The following GSDMC variants were observed in gnomAD, a reference collection of about 807,000 sequenced individuals.
The protein encoded by GSDMC is gasdermin-C.
Under a neutral mutation model 58.0 loss-of-function variants are expected in GSDMC, and 59 were observed. The ratio of observed to expected loss-of-function variants is 1.02; its 90% CI spans 0.82 to 1.26. The LOEUF (loss-of-function observed/expected upper bound fraction) is 1.26. Among genes scored for constraint, GSDMC ranks in the 50% most tolerant of loss-of-function variants. The pLI is 0.00. For missense variants in GSDMC, 659 were observed against 598.5 expected, an observed-to-expected ratio of 1.10 and a Z score of -1.06; for synonymous variants, 241 against 220.2, an observed-to-expected ratio of 1.09 and a Z score of -0.83.
At chr8:129,785,312 CACTT>C (rs1374881529) in intron 1 of GSDMC, among the ~76,000 whole-genome samples, 1 of 150,092 alleles carries the variant, frequency 6.7e-6, no homozygotes, top group Non-Finnish European at 1.5e-5. Flanking sequence ...ACAATGTTCT[CACTT>C]ATTTATGAAA....
intron 3 of GSDMC, among the ~76,000 whole-genome samples, chr8:129,773,190 G>A (rs1350196561): frequency 6.6e-6 from 1 of 152,188 alleles, no homozygotes; most frequent in African/African-American, 2.4e-5. Flanking sequence ...AAAGCTGAAA[G>A]CTTTTCCTTT....
At chr8:129,724,857 CAATT>C in the GSDMC span, among the ~76,000 whole-genome samples, 1 of 152,098 alleles carries the variant, frequency 6.6e-6, no homozygotes, top group Non-Finnish European at 1.5e-5. Context: ...AAAGAAATAA[CAATT>C]AACAAAGGGC....
At chr8:129,763,792 C>T (rs1250498480) in intron 4 of GSDMC, among the ~76,000 whole-genome samples, 1 of 152,102 alleles carries the variant, frequency 6.6e-6, no homozygotes, top group Non-Finnish European at 1.5e-5. Context: ...GTTGCCCAGG[C>T]TGGTGTTGAA....
chr8:129,747,571 T>C (rs1242380021), downstream of GSDMC, among the ~76,000 whole-genome samples: 1 of 152,146 alleles, frequency 6.6e-6, no homozygotes, highest in African/African-American at 2.4e-5. Flanking sequence ...AAATCTTGGT[T>C]GATAATTCTA....
intron 6 of GSDMC, among the ~76,000 whole-genome samples, chr8:129,757,351 G>A (rs1187704072): frequency 6.6e-6 from 1 of 151,992 alleles, no homozygotes; most frequent in Non-Finnish European, 1.5e-5. Flanking sequence ...ATTAAACCAT[G>A]AAGAAATTTA....
In GSDMC at chr8:129,750,497, A is replaced by T; in HGVS notation, c.1017T>A (p.Asp339Glu). The change falls in exon 11 of 14, where the codon GAT becomes GAA. Residue 339 changes from aspartate (D) to glutamate (E), a missense_variant. Transcript: ENST00000276708. The stretch of plus-strand genomic sequence containing the variant: ...TGGCCAGGATACTGTAGAACATGAC[A>T]TCCTGAACATCCTTTGAGAGCTGAG... The part of the protein sequence containing the change: ...TLAQLSKDVQ[D>E]VMFYSILAML... 6.2e-7 allele frequency: 1 copy of T among 1,613,868 alleles called. No individual in the cohort carries two copies. The highest frequency in any genetic ancestry group is 1.1e-5 in the South Asian group (1 of 91,072).
At chr8:129,729,978 G>A in the GSDMC span, 30 of 1,504,228 alleles carry the variant, frequency 2.0e-5, no homozygotes, top group African/African-American at 4.1e-5. Flanking sequence ...TAAATACCAT[G>A]GACAGTGCTG....
chr8:129,775,897 T>C (rs1244790222), intron 3 of GSDMC, among the ~76,000 whole-genome samples: 3 of 152,194 alleles, frequency 2.0e-5, no homozygotes, highest in Non-Finnish European at 4.4e-5. Flanking sequence ...GGGTAGTTAC[T>C]GCTCTAATAA....
At chr8:129,742,348 A>C in the GSDMC span, among the ~76,000 whole-genome samples, 1 of 152,192 alleles carries the variant, frequency 6.6e-6, no homozygotes, top group Non-Finnish European at 1.5e-5. Flanking sequence ...CCTATTGTAT[A>C]CATATATCAA....
At chr8:129,742,910 A>G in the GSDMC span, among the ~76,000 whole-genome samples, 9 of 152,180 alleles carry the variant, frequency 5.9e-5, no homozygotes, top group Non-Finnish European at 1.0e-4. Context: ...ATTATTGTCA[A>G]TTCTAGATTG....
At chr8:129,730,610 G>T in the GSDMC span, among the ~76,000 whole-genome samples, 5 of 152,172 alleles carry the variant, frequency 3.3e-5, no homozygotes, top group African/African-American at 1.2e-4. Context: ...CTCTTTCAAT[G>T]CATTAGTAAA....
At chr8:129,775,552 TTAAC>T (rs757145785) in intron 3 of GSDMC, among the ~76,000 whole-genome samples, 1 of 152,198 alleles carries the variant, frequency 6.6e-6, no homozygotes, top group Non-Finnish European at 1.5e-5. Flanking sequence ...AATAGATATG[TTAAC>T]TGACTTTATT....
chr8:129,756,302 A>G (rs548507832), intron 6 of GSDMC, among the ~76,000 whole-genome samples: 7 of 152,220 alleles, frequency 4.6e-5, no homozygotes, highest in African/African-American at 1.7e-4. Flanking sequence ...ATCTAACAAC[A>G]TGATATAATG....
rs760060505 is a variant in GSDMC at position 129,751,602 on chromosome 8, T to A, written c.917-34A>T. ...AGAATCAAGTCATCATCTCACTTCC[T>A]CATCCCCCCAAATTTGCTTTTCAGA... On this transcript the variant is annotated intron_variant, in intron 9 of 13. Transcript: ENST00000276708. 2.5e-6 allele frequency: 4 copies of A among 1,605,812 alleles called. No homozygotes were observed. The Admixed American group carries it at 6.7e-5, about 27-fold the overall frequency.
At chr8:129,776,749 G>T (rs889238201) in intron 2 of GSDMC, among the ~76,000 whole-genome samples, 2 of 151,862 alleles carry the variant, frequency 1.3e-5, no homozygotes, top group South Asian at 2.1e-4. Flanking sequence ...TGTTGTTGTT[G>T]TTGTTGTTGT....
the GSDMC span, among the ~76,000 whole-genome samples, chr8:129,725,646 A>T: frequency 6.6e-6 from 1 of 152,352 alleles, no homozygotes; most frequent in East Asian, 1.9e-4. Context: ...TCTAAAACTC[A>T]ATATTACTAT....
chr8:129,750,179 T>C (rs996075583), intron 11 of GSDMC, 60 bp from the exon 12 acceptor site: 4 of 1,343,966 alleles, frequency 3.0e-6, no homozygotes, highest in Non-Finnish European at 3.0e-6. Flanking sequence ...TTATATAATT[T>C]GCCTGTGTCT....
At chr8:129,709,176 T>C in the GSDMC span, among the ~76,000 whole-genome samples, 50 of 150,628 alleles carry the variant, frequency 3.3e-4, no homozygotes, top group African/African-American at 8.6e-4. Context: ...CCCCCTTCTT[T>C]TTTTTTTTTT....
chr8:129,756,645 ATATGT>A (rs2033451009), intron 6 of GSDMC, among the ~76,000 whole-genome samples: 1 of 152,168 alleles, frequency 6.6e-6, no homozygotes, highest in South Asian at 2.1e-4. Flanking sequence ...ATGATACATC[ATATGT>A]TAGGTTATAA....
Sources: allele counts gnomAD v4.1 joint callset (sites outside exome capture counted in the v4.1 genomes callset), GRCh38; gene constraint gnomAD v4.1.1; transcripts MANE v1.5; gene names NCBI Gene and HGNC (gene_info 2026-07-23, HGNC 2026-07-21).